The following ANAPC5 variants were observed in gnomAD, a reference collection of about 807,000 sequenced individuals.
The protein encoded by ANAPC5 is anaphase-promoting complex subunit 5.
A neutral mutation model predicts 91.3 loss-of-function variants in ANAPC5; 60 were observed. The ratio of observed to expected loss-of-function variants is 0.66; its 90% CI spans 0.53 to 0.81. The LOEUF (loss-of-function observed/expected upper bound fraction) is 0.81. Ranked by LOEUF, ANAPC5 falls within the 40% of genes least tolerant of loss-of-function variation. The probability of loss-of-function intolerance (pLI) is 0.00; values close to 1 mark genes in which losing one functional copy is unlikely to be tolerated. For missense variants in ANAPC5, 690 were observed against 931.5 expected (o/e 0.74, Z 3.37); for synonymous variants, 340 against 364.1 (o/e 0.93, Z 0.75).
At chr12:121,336,521 T>C (rs1555273495) in intron 6 of ANAPC5, among the ~76,000 whole-genome samples, 1 of 151,804 alleles carries the variant, frequency 6.6e-6, no homozygotes, top group Non-Finnish European at 1.5e-5. Context: ...CTACTAAAAA[T>C]ACAAAAAATT....
intron 5 of ANAPC5, among the ~76,000 whole-genome samples, chr12:121,339,560 T>C (rs71454689): frequency 0.049 from 7,457 of 152,230 alleles, 193 homozygotes; most frequent in South Asian, 0.082. Flanking sequence ...AAACTCCGCC[T>C]CATGGGTTCA....
rs1385286334 is a variant in ANAPC5, at chr12:121,342,254, T to C, written c.591-185A>G. 6.6e-6 allele frequency among the ~76,000 whole-genome samples: 1 copy of C among 152,180 alleles called. No homozygotes were observed. The highest frequency in any genetic ancestry group is 6.5e-5 in the Admixed American group (1 of 15,278). On this transcript the variant is annotated intron_variant, in intron 4 of 16. Transcript: ENST00000261819. This position sits in a 1 kb window ranked among gnomAD's most constrained non-coding sequence, Gnocchi z 4.1. Reference sequence around the variant, plus strand: ...ATGCACAGAGCCCATAAAGAAGCCCTGGCATGCATGGTCAAATGGTTTTTG... The same window carrying C: ...ATGCACAGAGCCCATAAAGAAGCCCCGGCATGCATGGTCAAATGGTTTTTG...
intron 9 of ANAPC5, 81 bp from the exon 10 acceptor site, chr12:121,328,578 T>A: frequency 7.4e-7 from 1 of 1,349,038 alleles, no homozygotes. Flanking sequence ...TGTGGTGGAT[T>A]TCACATTTCA....
At position 121,320,499 on chromosome 12, in the gene ANAPC5, T is replaced by C. The variant is rs759014907; in HGVS notation, c.1441-40A>G. 11 of 1,569,110 alleles carry C rather than the reference T, an allele frequency of 7.0e-6. No homozygotes were observed. The Admixed American group carries it at 1.0e-4, about 14-fold the overall frequency. ...CACAATTTGATCAGCATAACCTGTGTTGAATCCACACCTGCTGTACCATGC... is the reference window on the plus strand; with the variant it reads ...CACAATTTGATCAGCATAACCTGTGCTGAATCCACACCTGCTGTACCATGC... On this transcript the variant is annotated intron_variant, in intron 11 of 16. Coordinates refer to ENST00000261819, the MANE Select transcript of ANAPC5 (RefSeq NM_016237.5).
chr12:121,340,554 T>G (rs1903409870), intron 5 of ANAPC5, among the ~76,000 whole-genome samples: 1 of 150,824 alleles, frequency 6.6e-6, no homozygotes, highest in South Asian at 2.1e-4. Flanking sequence ...TTTTTTTTTT[T>G]GAGACGGAGT....
upstream of ANAPC5, among the ~76,000 whole-genome samples, chr12:121,354,145 C>A (rs981143040): frequency 1.3e-5 from 2 of 152,052 alleles, no homozygotes; most frequent in African/African-American, 2.4e-5. Flanking sequence ...CGCACCACCA[C>A]GCCCGGCTAA....
intron 1 of ANAPC5, among the ~76,000 whole-genome samples, chr12:121,348,544 A>G (rs1440765974): frequency 1.3e-5 from 2 of 152,194 alleles, no homozygotes; most frequent in African/African-American, 4.8e-5. Flanking sequence ...ACACACCTGT[A>G]GTCCCAGCTA....
intron 1 of ANAPC5, among the ~76,000 whole-genome samples, chr12:121,350,754 C>G (rs1903855655): frequency 6.6e-6 from 1 of 151,386 alleles, no homozygotes; most frequent in Non-Finnish European, 1.5e-5. Flanking sequence ...TTACAAAAAA[C>G]TACTCAGGCA....
rs782064940 is a variant in ANAPC5, at chr12:121,346,046, G to A, written c.398-15C>T. 1.2e-5 allele frequency: 19 copies of A among 1,588,950 alleles called. No individual in the cohort carries two copies. The highest frequency in any genetic ancestry group is 3.6e-5 in the Admixed American group (2 of 55,616). On this transcript the variant is annotated splice_polypyrimidine_tract_variant and intron_variant, in intron 3 of 16. Transcript: ENST00000261819. ...CAGAAACAAACCTACAAAATAAGACGAGAGACAAGGGGAAAGCATTAACTG... is the reference window on the plus strand; with the variant it reads ...CAGAAACAAACCTACAAAATAAGACAAGAGACAAGGGGAAAGCATTAACTG...
At chr12:121,353,734 C>T (rs560221687), upstream of ANAPC5, among the ~76,000 whole-genome samples, 3 of 152,180 alleles carry the variant, frequency 2.0e-5, no homozygotes, top group African/African-American at 7.2e-5. Flanking sequence ...GCCACCGCGC[C>T]CGGCCTGCCT....
At position 121,342,073 on chromosome 12, in the gene ANAPC5, G is replaced by A. The variant is rs782765400; in HGVS notation, c.591-4C>T. 6.3e-7 allele frequency: 1 copy of A among 1,587,192 alleles called. No homozygotes were observed. ...ACTGCAAGATACCTCCTCTTCTCTG[G>A]AAAAAATAAAAAAACAAAAATAGTA... On this transcript the variant is annotated splice_region_variant and splice_polypyrimidine_tract_variant and intron_variant, in intron 4 of 16. Transcript: ENST00000261819. This position sits in a 1 kb window ranked among gnomAD's most constrained non-coding sequence, Gnocchi z 4.1.
chr12:121,315,414 T>C (rs1902314762), intron 15 of ANAPC5, among the ~76,000 whole-genome samples: 1 of 152,192 alleles, frequency 6.6e-6, no homozygotes, highest in African/African-American at 2.4e-5. Context: ...ACAACTACTG[T>C]TTTTGCAGAA....
intron 11 of ANAPC5, among the ~76,000 whole-genome samples, chr12:121,323,332 C>CT (rs994182555): frequency 1.2e-3 from 184 of 148,520 alleles, no homozygotes; most frequent in African/African-American, 3.1e-3. Context: ...GGATGTTTAT[C>CT]TTTTTTTTTT....
At chr12:121,315,474 T>G (rs566692952) in intron 15 of ANAPC5, among the ~76,000 whole-genome samples, 1 of 146,676 alleles carries the variant, frequency 6.8e-6, no homozygotes, top group Non-Finnish European at 1.5e-5. Context: ...GGATGCTGAA[T>G]AGCCAAAACA....
rs1405132201 is a variant in ANAPC5, at chr12:121,349,683, G to GGAAGGT, written c.208-1808_208-1803dup. Among the ~76,000 whole-genome samples the GGAAGGT allele has an allele frequency of 2.0e-5, 3 of 150,890 alleles. No individual in the cohort carries two copies. In the East Asian group the frequency reaches 5.8e-4, roughly 29 times the overall value. Reference sequence around the variant, plus strand: ...CAAACAGCAAAAAACAACATGAGCAGGAAGGTGAGAGTTAAGAGACCAGAA... The same window carrying GGAAGGT: ...CAAACAGCAAAAAACAACATGAGCAGGAAGGTGAAGGTGAGAGTTAAGAGACCAGAA... On this transcript the variant is annotated intron_variant, in intron 1 of 16. Coordinates refer to ENST00000261819, the MANE Select transcript of ANAPC5 (RefSeq NM_016237.5).
rs561418471 is a variant in ANAPC5, at chr12:121,311,159, C to A, written c.1894-1296G>T. Among the ~76,000 whole-genome samples the A allele has an allele frequency of 2.6e-5, 4 of 151,968 alleles. No individual in the cohort carries two copies. The South Asian group carries it at 6.2e-4, about 24-fold the overall frequency. On this transcript the variant is annotated intron_variant, in intron 15 of 16. Coordinates refer to ENST00000261819, the MANE Select transcript of ANAPC5 (RefSeq NM_016237.5). Reference sequence around the variant, plus strand: ...CCTGTAGTCCTAGCTACTTGGGAGACTGAGTTGGGAGGATCCCATCAGCCC... The same window carrying A: ...CCTGTAGTCCTAGCTACTTGGGAGAATGAGTTGGGAGGATCCCATCAGCCC...
At chr12:121,312,577 C>T (rs1041687766) in intron 15 of ANAPC5, among the ~76,000 whole-genome samples, 1 of 151,714 alleles carries the variant, frequency 6.6e-6, no homozygotes, top group Non-Finnish European at 1.5e-5. Flanking sequence ...TGTGGTGGCA[C>T]ATGCCTGTAG....
At chr12:121,310,946 A>C (rs1209725929) in intron 15 of ANAPC5, among the ~76,000 whole-genome samples, 1 of 151,890 alleles carries the variant, frequency 6.6e-6, no homozygotes, top group East Asian at 1.9e-4. Flanking sequence ...AAAAAAAAAA[A>C]AAAAAAATCA....
chr12:121,320,590 A>C (rs1593580810), intron 11 of ANAPC5, 131 bp from the exon 12 acceptor site: 1 of 624,750 alleles, frequency 1.6e-6, no homozygotes, highest in Non-Finnish European at 2.7e-6. Flanking sequence ...CTGGTCAGAG[A>C]CTCAAATTTC....
Sources: allele counts gnomAD v4.1 joint callset (sites outside exome capture counted in the v4.1 genomes callset), GRCh38; gene constraint gnomAD v4.1.1; non-coding constraint Gnocchi (gnomAD v3.1); transcripts MANE v1.5; gene names NCBI Gene and HGNC (gene_info 2026-07-23, HGNC 2026-07-21).